Variants in SV2C observed in about 807,000 individuals in gnomAD.
SV2C encodes the protein solute carrier family 22 member B3.
Under a neutral mutation model 79.7 loss-of-function variants are expected in SV2C, and 49 were observed. The ratio of observed to expected loss-of-function variants is 0.61; its 90% CI spans 0.49 to 0.78. The LOEUF (loss-of-function observed/expected upper bound fraction) is 0.78, where lower values mean the gene tolerates loss of function less well. Ranked by LOEUF, SV2C falls within the 30% of genes least tolerant of loss-of-function variation. The pLI is 0.00. For synonymous variants in SV2C, 334 were observed against 333.2 expected, an observed-to-expected ratio of 1.00 and a Z score of -0.03; for missense variants, 833 against 912.9, an observed-to-expected ratio of 0.91 and a Z score of 1.13.
the SV2C span, among the ~76,000 whole-genome samples, chr5:75,871,731 CG>C: frequency 1.3e-5 from 2 of 151,170 alleles, no homozygotes; most frequent in African/African-American, 4.8e-5. Flanking sequence ...TTGCTTGAAC[CG>C]GGGAGTCAGA....
At chr5:75,939,850 A>G in the SV2C span, among the ~76,000 whole-genome samples, 1 of 152,102 alleles carries the variant, frequency 6.6e-6, no homozygotes. Context: ...CCTTCTACCT[A>G]GAACCTCTCT....
the SV2C span, among the ~76,000 whole-genome samples, chr5:75,868,941 T>A: frequency 1.3e-5 from 2 of 152,208 alleles, no homozygotes; most frequent in African/African-American, 4.8e-5. Flanking sequence ...AGCATGAGTT[T>A]TTCCTTCTTT....
the SV2C span, chr5:75,921,206 G>T: frequency 9.3e-7 from 1 of 1,072,548 alleles, no homozygotes; most frequent in South Asian, 1.4e-5. Context: ...CCAGGGGCCA[G>T]CAGCCGAGAT....
the SV2C span, among the ~76,000 whole-genome samples, chr5:75,983,573 A>T: frequency 1.3e-4 from 20 of 150,058 alleles, no homozygotes; most frequent in Middle Eastern, 6.8e-3. Context: ...AATCTGATGC[A>T]GGTTGCAAAA....
chr5:76,321,567 C>T lies in SV2C; in HGVS notation c.2001-3797C>T, dbSNP rs193034358. On this transcript the variant is annotated intron_variant, in intron 12 of 12. Coordinates refer to ENST00000502798, the MANE Select transcript of SV2C (RefSeq NM_014979.4). ...CCATCCTGGGCAATATGATGAAACC[C>T]CATCTCTACAAAAAAATACAATAAT... 2.6e-4 allele frequency among the ~76,000 whole-genome samples: 39 copies of T among 151,826 alleles called. No homozygotes were observed. The East Asian group carries it at 4.7e-3, about 18-fold the overall frequency.
At chr5:76,272,946 G>T (rs954643746) in intron 4 of SV2C, among the ~76,000 whole-genome samples, 3 of 151,764 alleles carry the variant, frequency 2.0e-5, no homozygotes, top group African/African-American at 7.3e-5. Flanking sequence ...ACATTTATGT[G>T]AGTAAAATAG....
At chr5:76,055,484 C>G in the SV2C span, among the ~76,000 whole-genome samples, 1 of 152,020 alleles carries the variant, frequency 6.6e-6, no homozygotes, top group East Asian at 1.9e-4. Context: ...TATACAAGCT[C>G]TTTTTTGGTT....
chr5:76,200,045 C>T (rs1744390114), intron 3 of SV2C, among the ~76,000 whole-genome samples: 1 of 152,236 alleles, frequency 6.6e-6, no homozygotes. Context: ...CTTGTGGACA[C>T]TGGCTCTAAA....
chr5:76,026,550 T>C, the SV2C span, among the ~76,000 whole-genome samples: 1 of 152,038 alleles, frequency 6.6e-6, no homozygotes, highest in African/African-American at 2.4e-5. Flanking sequence ...TGCAAATACA[T>C]AGAAATAATT....
chr5:76,263,738 G>T (rs61176487), intron 4 of SV2C, among the ~76,000 whole-genome samples: 1,662 of 152,262 alleles, frequency 0.011, 35 homozygotes, highest in African/African-American at 0.039. Context: ...AGTTTGGCTG[G>T]ATATGAAATT....
At chr5:76,212,616 G>T (rs1016260825) in intron 4 of SV2C, among the ~76,000 whole-genome samples, 3 of 151,980 alleles carry the variant, frequency 2.0e-5, no homozygotes, top group African/African-American at 4.8e-5. Flanking sequence ...TCTCTTTCCT[G>T]GTCCTCCCTT....
chr5:76,285,158 C>G lies in SV2C; in HGVS notation c.914-4C>G. ...CCCTCACTCTCCGTGTCCTCCTTTTCCAGGGTGGAGCTTCAGCATGGGATC... is the reference window on the plus strand; with the variant it reads ...CCCTCACTCTCCGTGTCCTCCTTTTGCAGGGTGGAGCTTCAGCATGGGATC... On this transcript the variant is annotated splice_region_variant and splice_polypyrimidine_tract_variant and intron_variant, in intron 4 of 12. Transcript: ENST00000502798. 6.2e-7 allele frequency: 1 copy of G among 1,613,978 alleles called. No individual in the cohort carries two copies. The highest frequency in any genetic ancestry group is 1.1e-5 in the South Asian group (1 of 91,034).
At chr5:76,143,967 A>G (rs1206522131) in intron 2 of SV2C, among the ~76,000 whole-genome samples, 1 of 152,172 alleles carries the variant, frequency 6.6e-6, no homozygotes, top group Admixed American at 6.5e-5. Context: ...AATGATTCAC[A>G]TAGAGGCACA....
chr5:76,052,493 C>G, the SV2C span, among the ~76,000 whole-genome samples: 2 of 152,194 alleles, frequency 1.3e-5, no homozygotes, highest in Non-Finnish European at 2.9e-5. Context: ...ATCAAAGCCT[C>G]CTAAGATTCT....
chr5:76,078,404 A>T (rs1023834085), upstream of SV2C, among the ~76,000 whole-genome samples: 2 of 152,246 alleles, frequency 1.3e-5, no homozygotes, highest in African/African-American at 4.8e-5. Flanking sequence ...GGAGCTGGAT[A>T]GTGAGAAAGG....
intron 4 of SV2C, among the ~76,000 whole-genome samples, chr5:76,259,294 T>C (rs994340136): frequency 1.3e-5 from 2 of 152,164 alleles, no homozygotes; most frequent in African/African-American, 4.8e-5. Flanking sequence ...CATTTTACAC[T>C]CCCACCAGTG....
At chr5:75,897,500 G>A in the SV2C span, among the ~76,000 whole-genome samples, 3,689 of 147,796 alleles carry the variant, frequency 0.025, 1 homozygote, top group Middle Eastern at 0.066. Flanking sequence ...GTCAGGTAGC[G>A]TGATGCCTCC....
intron 2 of SV2C, among the ~76,000 whole-genome samples, chr5:76,155,171 A>AG (rs774863978): frequency 2.6e-4 from 39 of 152,330 alleles, no homozygotes; most frequent in Middle Eastern, 3.4e-3. Flanking sequence ...TTATTTGTTT[A>AG]GAAACAAAAA....
chr5:76,084,879 G>GGGCT (rs1258060130), intron 1 of SV2C, among the ~76,000 whole-genome samples: 2 of 151,942 alleles, frequency 1.3e-5, no homozygotes, highest in East Asian at 3.9e-4. Context: ...CGCACGGCCT[G>GGGCT]GGCTGGCGGG....
Sources: gnomAD v4.1 joint callset for allele counts (sites outside exome capture counted in the v4.1 genomes callset) on GRCh38, gnomAD v4.1.1 for gene constraint, MANE v1.5 for transcripts, NCBI Gene and HGNC (gene_info 2026-07-23, HGNC 2026-07-21) for gene names.